Variants in SLAIN1 observed in about 807,000 individuals in gnomAD.
SLAIN1 encodes SLAIN family member 1.
Under a neutral mutation model 55.4 loss-of-function variants are expected in SLAIN1, and 17 were observed. That is an observed-to-expected ratio of 0.31 (90% CI 0.21 to 0.46). The LOEUF (loss-of-function observed/expected upper bound fraction) is 0.46. SLAIN1 is among the 20% of genes least tolerant of loss of function. SLAIN1 has a pLI of 1.00. For synonymous variants in SLAIN1, 348 were observed against 337.4 expected (o/e 1.03, Z -0.35); for missense variants, 682 against 785.1 (o/e 0.87, Z 1.57).
intron 3 of SLAIN1, 62 bp downstream of exon 3, chr13:77,744,494 G>T: frequency 6.2e-7 from 1 of 1,600,082 alleles, no homozygotes; most frequent in Non-Finnish European, 8.5e-7. Flanking sequence ...GGCAGAGGGG[G>T]AGGTTCAGGC....
chr13:77,717,099 T>A (rs1388607773), intron 1 of SLAIN1, among the ~76,000 whole-genome samples: 3 of 152,190 alleles, frequency 2.0e-5, no homozygotes, highest in Non-Finnish European at 4.4e-5. Flanking sequence ...TGATATTATA[T>A]ACTTTTTCTA....
intron 5 of SLAIN1, among the ~76,000 whole-genome samples, chr13:77,759,571 A>T (rs1874857208): frequency 6.6e-6 from 1 of 152,110 alleles, no homozygotes; most frequent in African/African-American, 2.4e-5. Flanking sequence ...GATGTTGACT[A>T]TGGGTTTGTC....
Position 77,740,527 on chromosome 13 carries a change from C to G in SLAIN1, c.767-3756C>G, listed in dbSNP as rs1439700585. On this transcript the variant is annotated intron_variant, in intron 2 of 6. Coordinates refer to ENST00000418532, the MANE Select transcript of SLAIN1 (RefSeq NM_001242868.2). The stretch of plus-strand genomic sequence containing the variant: ...CTATGCCACTTCCAAGTTTGCGAAC[C>G]GCCCCCCCCCCCTTTTTTTATAAAT... Among the ~76,000 whole-genome samples the G allele has an allele frequency of 3.7e-5, 3 of 80,376 alleles. No homozygotes were observed. The East Asian group carries it at 8.0e-4, about 21-fold the overall frequency. 52.7% of individuals were successfully genotyped at this position (80,376 alleles called of 152,430 possible).
intron 2 of SLAIN1, among the ~76,000 whole-genome samples, chr13:77,723,631 C>T (rs758230727): frequency 4.6e-5 from 7 of 152,030 alleles, no homozygotes; most frequent in South Asian, 2.1e-4. Context: ...AGTTCAGCAC[C>T]GTTCTTATTT....
Position 77,732,587 on chromosome 13 carries a change from A to T in SLAIN1, c.767-11696A>T, listed in dbSNP as rs541213558. On this transcript the variant is annotated intron_variant, in intron 2 of 6. Transcript: ENST00000418532. ...TAAATTATTAAGTTTGATTTAAACT[A>T]TAGCAGACACACAGACCTAAAGGGA... 2.0e-5 allele frequency among the ~76,000 whole-genome samples: 3 copies of T among 152,272 alleles called. No individual in the cohort carries two copies. The South Asian group carries it at 6.2e-4, about 32-fold the overall frequency.
intron 2 of SLAIN1, among the ~76,000 whole-genome samples, chr13:77,720,176 A>G (rs936378628): frequency 8.5e-5 from 13 of 152,328 alleles, no homozygotes; most frequent in African/African-American, 3.1e-4. Flanking sequence ...ACAGAAGTTT[A>G]AATTTAAAAA....
At chr13:77,761,489 G>T (rs938958276) in intron 6 of SLAIN1, among the ~76,000 whole-genome samples, 15 of 152,194 alleles carry the variant, frequency 9.9e-5, no homozygotes, top group Non-Finnish European at 1.8e-4. Flanking sequence ...AGGGCGGGGG[G>T]AGGTTGACTT....
At chr13:77,712,733 AAAG>A (rs1390104085) in intron 1 of SLAIN1, among the ~76,000 whole-genome samples, 2 of 152,218 alleles carry the variant, frequency 1.3e-5, no homozygotes, top group Non-Finnish European at 2.9e-5. Context: ...TGGAACCAAA[AAAG>A]AGCCCATATA....
intron 2 of SLAIN1, among the ~76,000 whole-genome samples, chr13:77,742,506 A>G (rs1873514289): frequency 2.0e-5 from 3 of 152,130 alleles, no homozygotes; most frequent in Admixed American, 1.3e-4. Flanking sequence ...AAGTCCTCCC[A>G]TAATCCAATA....
At chr13:77,707,318 T>C (rs1042463574) in intron 1 of SLAIN1, among the ~76,000 whole-genome samples, 1 of 152,170 alleles carries the variant, frequency 6.6e-6, no homozygotes, top group Non-Finnish European at 1.5e-5. Context: ...TTCCCAAGCA[T>C]GAATAAACTG....
At chr13:77,728,170 C>G (rs1343238633) in intron 2 of SLAIN1, among the ~76,000 whole-genome samples, 1 of 152,138 alleles carries the variant, frequency 6.6e-6, no homozygotes, top group East Asian at 1.9e-4. Context: ...TTCTAACCCC[C>G]CTCTACCCCT....
chr13:77,753,493 TA>T (rs1183632236), intron 5 of SLAIN1, 135 bp downstream of exon 5: 3 of 399,400 alleles, frequency 7.5e-6, no homozygotes, highest in Non-Finnish European at 1.2e-5. Context: ...CCTTGCCGTG[TA>T]ACTTATTTTT....
rs368649151 is a variant in SLAIN1, at chr13:77,721,033, C to T, written c.766+1362C>T. Among the ~76,000 whole-genome samples, 7 of 152,128 alleles carry T rather than the reference C, an allele frequency of 4.6e-5. No homozygotes were observed. In the South Asian group the frequency reaches 6.2e-4, roughly 14 times the overall value. ...TCTGTTCCCATTTACCTAAGTGACT[C>T]GAAGAAAACTGATACGGTTTGGCTC... On this transcript the variant is annotated intron_variant, in intron 2 of 6. Coordinates refer to ENST00000418532, the MANE Select transcript of SLAIN1 (RefSeq NM_001242868.2).
intron 4 of SLAIN1, among the ~76,000 whole-genome samples, chr13:77,750,872 T>G (rs1874160044): frequency 6.6e-6 from 1 of 152,180 alleles, no homozygotes; most frequent in African/African-American, 2.4e-5. Context: ...TATTCTTTTG[T>G]GCTTTCTACC....
chr13:77,760,946 C>T lies in SLAIN1; in HGVS notation c.1533C>T (p.Asn511=), dbSNP rs765568631. Reference sequence around the variant, plus strand: ...GTCCAACCGTTCAAGGCAGCAGTAACATGCCTTTATCAAACGGCTTACAGC... The same window carrying T: ...GTCCAACCGTTCAAGGCAGCAGTAATATGCCTTTATCAAACGGCTTACAGC... ...YVSPTVQGSS[N]MPLSNGLQLY... is the part of the protein sequence containing the mutation. The change falls in exon 6 of 7, where the codon AAC becomes AAT. Residue 511 remains asparagine (N), a synonymous_variant. Transcript: ENST00000418532. 3.7e-6 allele frequency: 6 copies of T among 1,614,200 alleles called. No individual in the cohort carries two copies. Among genetic ancestry groups the T allele is most frequent in the South Asian group, 1.1e-5 (1 of 91,084 alleles).
chr13:77,736,230 A>G (rs1212438816), intron 2 of SLAIN1, among the ~76,000 whole-genome samples: 1 of 152,006 alleles, frequency 6.6e-6, no homozygotes, highest in Non-Finnish European at 1.5e-5. Flanking sequence ...TGGAATAAAT[A>G]TTCTCAGCAT....
At chr13:77,743,741 G>A (rs1233421540) in intron 2 of SLAIN1, among the ~76,000 whole-genome samples, 1 of 151,594 alleles carries the variant, frequency 6.6e-6, no homozygotes, top group Non-Finnish European at 1.5e-5. Flanking sequence ...ATATTATGTG[G>A]GTGTTGTATA....
chr13:77,719,921 ATTTCTTTTTTT>A (rs2091245350), intron 2 of SLAIN1, among the ~76,000 whole-genome samples: 2 of 151,644 alleles, frequency 1.3e-5, no homozygotes, highest in Admixed American at 1.3e-4. Context: ...ACACAAATTT[ATTTCTTTTTTT>A]TTTCTGTTTG....
At chr13:77,705,656 T>C in intron 1 of SLAIN1, among the ~76,000 whole-genome samples, 1 of 151,886 alleles carries the variant, frequency 6.6e-6, no homozygotes, top group Admixed American at 6.6e-5. Context: ...TTTTTTTTTT[T>C]TTTAAAAACC....
Sources: gnomAD v4.1 joint callset for allele counts (sites outside exome capture counted in the v4.1 genomes callset) on GRCh38, gnomAD v4.1.1 for gene constraint, MANE v1.5 for transcripts, NCBI Gene and HGNC (gene_info 2026-07-23, HGNC 2026-07-21) for gene names.